The following MROH7 variants were observed in gnomAD, a reference collection of about 807,000 sequenced individuals.
The protein encoded by MROH7 is maestro heat like repeat family member 7.
Under a neutral mutation model 129.2 loss-of-function variants are expected in MROH7, and 113 were observed. The ratio of observed to expected loss-of-function variants is 0.87; its 90% CI spans 0.75 to 1.02. The LOEUF (loss-of-function observed/expected upper bound fraction) is 1.02, where lower values mean the gene tolerates loss of function less well. Ranked by LOEUF, MROH7 falls within the 50% of genes least tolerant of loss-of-function variation. The pLI is 0.00. For missense variants in MROH7, 1,601 were observed against 1,671.3 expected, an observed-to-expected ratio of 0.96 and a Z score of 0.73; for synonymous variants, 655 against 667.9, an observed-to-expected ratio of 0.98 and a Z score of 0.30.
At chr1:54,686,085 G>T (rs1438456181) in intron 14 of MROH7, among the ~76,000 whole-genome samples, 173 bp from the exon 15 acceptor site, 1 of 151,958 alleles carries the variant, frequency 6.6e-6, no homozygotes, top group Non-Finnish European at 1.5e-5. Flanking sequence ...AGGGCCTCTG[G>T]CCAGAGAGCC....
chr1:54,682,331 AT>A (rs985364861), intron 13 of MROH7, among the ~76,000 whole-genome samples: 1 of 151,086 alleles, frequency 6.6e-6, no homozygotes, highest in Admixed American at 6.6e-5. Flanking sequence ...TGCCCAGCTA[AT>A]TTTTTTTGTA....
In MROH7 at chr1:54,678,828, T is replaced by C; in HGVS notation, c.2023T>C (p.Cys675Arg). Residue 675 changes from cysteine (C) to arginine (R), a missense_variant, in exon 11 of 24, where the codon TGC (cysteine) becomes CGC (arginine). By Grantham distance (180) the Cys-to-Arg change is radical. Transcript: ENST00000421030. ...FLGPYNPVSP[C>R]QNILRVIEEF... ...GGGGCCCTACAACCCTGTGAGCCCG[T>C]GCCAGAACATTCTGCGGGTGATCGA... is the stretch of plus-strand genomic sequence containing the variant. 6.2e-7 allele frequency: 1 copy of C among 1,613,728 alleles called. No individual in the cohort carries two copies. Among genetic ancestry groups the C allele is most frequent in the Non-Finnish European group, 8.5e-7 (1 of 1,179,816 alleles).
In MROH7 at chr1:54,698,093, C is replaced by T. The variant is rs141017885; in HGVS notation, c.2965-2228C>T. 972 of 176,334 alleles carry T rather than the reference C, an allele frequency of 5.5e-3. 11 individuals carry two copies. Among genetic ancestry groups the T allele is most frequent in the African/African-American group, 0.02 (846 of 42,772 alleles). 10.9% of individuals were successfully genotyped at this position (176,334 alleles called of 1,614,324 possible). A position where few individuals can be genotyped will look rare whatever the true frequency, so the allele number is the denominator to read the frequency against. On this transcript the variant is annotated intron_variant, in intron 17 of 23. Coordinates refer to ENST00000421030, the MANE Select transcript of MROH7 (RefSeq NM_001039464.4). Reference sequence around the variant, plus strand: ...GCAGCTCAGATGCCCCTTTCACCCTCGTCCCCTCCGCCCCGGCTTCCTGTC... The same window carrying T: ...GCAGCTCAGATGCCCCTTTCACCCTTGTCCCCTCCGCCCCGGCTTCCTGTC...
At chr1:54,680,477 C>A (rs545776170) in intron 13 of MROH7, among the ~76,000 whole-genome samples, 29 of 152,310 alleles carry the variant, frequency 1.9e-4, no homozygotes, top group Non-Finnish European at 2.9e-4. Flanking sequence ...TCTCTTTCCC[C>A]CTTAGGCAAA....
At position 54,703,455 on chromosome 1, in the gene MROH7, A is replaced by C. The variant is rs1302717814; in HGVS notation, c.3564+710A>C. Among the ~76,000 whole-genome samples, 2 of 152,220 alleles carry C rather than the reference A, an allele frequency of 1.3e-5. No individual in the cohort carries two copies. The highest frequency in any genetic ancestry group is 4.8e-5 in the African/African-American group (2 of 41,456). On this transcript the variant is annotated intron_variant, in intron 21 of 23. Coordinates refer to ENST00000421030, the MANE Select transcript of MROH7 (RefSeq NM_001039464.4). The surrounding 1 kb of genome is among the most constrained non-coding windows in gnomAD (Gnocchi z 4.4). ...AGTAAGTTTGGGAAATACTGCACTG[A>C]CATTCTCCTCTTGGAGATTTGCAAT...
chr1:54,665,273 G>C (rs6703113), intron 4 of MROH7, 33 bp downstream of exon 4: 642,550 of 1,576,874 alleles, frequency 0.41, 134,897 homozygotes, highest in East Asian at 0.65. Context: ...AGCTGACTGT[G>C]CTGGGATACT....
At chr1:54,689,170 T>C (rs1198672200) in intron 15 of MROH7, among the ~76,000 whole-genome samples, 1 of 152,138 alleles carries the variant, frequency 6.6e-6, no homozygotes, top group African/African-American at 2.4e-5. Context: ...GGATTAACCA[T>C]GTGGGCACTG....
Position 54,653,188 on chromosome 1 carries a change from G to A in MROH7, c.262G>A (p.Ala88Thr), listed in dbSNP as rs138958132. 2.7e-4 allele frequency: 435 copies of A among 1,614,224 alleles called. 3 individuals are homozygous for A. The East Asian group carries it at 9.4e-3, about 35-fold the overall frequency. Residue 88 changes from alanine (A) to threonine (T), a missense_variant, in exon 3 of 24, where the codon GCT becomes ACT. Ala to Thr is a moderately conservative substitution (Grantham distance 58, BLOSUM62 0). Transcript: ENST00000421030. Reference sequence around the variant, plus strand: ...CACCCCCAGACCTGATGACAGCAGAGCTATCGCTCCAGCCTCCCTCCAGAT... The same window carrying A: ...CACCCCCAGACCTGATGACAGCAGAACTATCGCTCCAGCCTCCCTCCAGAT... ...ENTPRPDDSRAIAPASLQITS... is the reference protein window; with the variant it reads ...ENTPRPDDSRTIAPASLQITS...
chr1:54,695,254 G>A, intron 16 of MROH7, 122 bp from the exon 17 acceptor site: 1 of 623,444 alleles, frequency 1.6e-6, no homozygotes, highest in South Asian at 2.0e-5. Flanking sequence ...GAAAATCCTG[G>A]GAACGCAGGA....
intron 12 of MROH7, 108 bp from the exon 13 acceptor site, chr1:54,679,783 C>G (rs1645039354): frequency 8.9e-7 from 1 of 1,118,840 alleles, no homozygotes; most frequent in South Asian, 1.4e-5. Context: ...TGGGCCTTCT[C>G]CCCTGTCCTC....
chr1:54,653,882 C>T lies in MROH7; in HGVS notation c.956C>T (p.Ser319Phe). Residue 319 changes from serine to phenylalanine, a missense_variant, in exon 3 of 24, where the codon TCC becomes TTC. Coordinates refer to ENST00000421030, the MANE Select transcript of MROH7 (RefSeq NM_001039464.4). ...SLHSSTHEPN[S>F]TISPPSCMTL... The stretch of plus-strand genomic sequence containing the variant: ...CACTCCAGCACCCATGAGCCCAACT[C>T]CACCATCTCTCCACCCTCATGCATG... The T allele has an allele frequency of 7.4e-6, 12 of 1,613,988 alleles. No individual in the cohort carries two copies. The highest frequency in any genetic ancestry group is 1.0e-5 in the Non-Finnish European group (12 of 1,179,870).
At chr1:54,644,723 A>T (rs1644437541) in intron 1 of MROH7, among the ~76,000 whole-genome samples, 1 of 149,784 alleles carries the variant, frequency 6.7e-6, no homozygotes, top group Non-Finnish European at 1.5e-5. Context: ...GCTGGTCTAG[A>T]GCTCCTGGGC....
In MROH7 at chr1:54,701,319, C is replaced by T. The variant is rs762118162; in HGVS notation, c.3282C>T (p.Ser1094=). The change falls in exon 19 of 24, where the codon AGC becomes AGT. Residue 1094 remains serine, a synonymous_variant. Coordinates refer to ENST00000421030, the MANE Select transcript of MROH7 (RefSeq NM_001039464.4). ...EMLQILLPHF[S]DAREVVRSSC... ...TGCAGATCCTGCTGCCGCACTTCAG[C>T]GACGTGAGGACCTCACAGAGCGAAG... The T allele has an allele frequency of 7.6e-6, 12 of 1,587,696 alleles. No individual in the cohort carries two copies. The highest frequency in any genetic ancestry group is 5.4e-5 in the African/African-American group (4 of 74,446).
At chr1:54,679,165 T>C in intron 11 of MROH7, 98 bp from the exon 12 acceptor site, 1 of 1,216,474 alleles carries the variant, frequency 8.2e-7, no homozygotes, top group African/African-American at 1.5e-5. Context: ...CCTCTGCATG[T>C]GGGCGTCAGG....
chr1:54,697,179 T>C (rs1441866906), intron 17 of MROH7: 1 of 153,728 alleles, frequency 6.5e-6, no homozygotes, highest in Non-Finnish European at 1.4e-5. Context: ...AGAGGCTCAT[T>C]GTCTGCTTGG....
At chr1:54,678,988 T>G in intron 11 of MROH7, 134 bp downstream of exon 11, 2 of 736,310 alleles carry the variant, frequency 2.7e-6, no homozygotes, top group East Asian at 5.3e-5. Context: ...ACGCCTGTCC[T>G]GAGTGCCCTC....
intron 3 of MROH7, among the ~76,000 whole-genome samples, chr1:54,661,100 T>C (rs1385200200): frequency 6.6e-6 from 1 of 152,076 alleles, no homozygotes; most frequent in Non-Finnish European, 1.5e-5. Flanking sequence ...TATTGGTTTG[T>C]GGGAATTCTT....
chr1:54,663,933 C>T (rs868378508), intron 3 of MROH7: 45 of 325,534 alleles, frequency 1.4e-4, no homozygotes, highest in East Asian at 8.0e-4. Flanking sequence ...CTCTGGTGAT[C>T]GAGAATCTGA....
intron 3 of MROH7, among the ~76,000 whole-genome samples, chr1:54,662,226 A>G (rs529937990): frequency 2.6e-5 from 4 of 151,890 alleles, no homozygotes; most frequent in Admixed American, 1.3e-4. Context: ...TCTGCAAACA[A>G]AACAAAACAA....
Sources: allele counts gnomAD v4.1 joint callset (sites outside exome capture counted in the v4.1 genomes callset), GRCh38; gene constraint gnomAD v4.1.1; non-coding constraint Gnocchi (gnomAD v3.1); transcripts MANE v1.5; gene names NCBI Gene and HGNC (gene_info 2026-07-23, HGNC 2026-07-21).